The following WNK2 variants were observed in gnomAD, a reference collection of about 807,000 sequenced individuals.
The protein encoded by WNK2 is serine/threonine-protein kinase WNK2.
WNK2 carries 67 observed loss-of-function variants against 192.1 expected under a neutral mutation model. The observed-to-expected ratio is 0.35, with a 90% confidence interval of 0.29 to 0.43. WNK2 has a LOEUF of 0.43. Ranked by LOEUF, WNK2 falls within the 20% of genes least tolerant of loss-of-function variation. The probability of loss-of-function intolerance (pLI) is 1.00; values close to 1 mark genes in which losing one functional copy is unlikely to be tolerated. For missense variants in WNK2, 2,698 were observed against 3,089.7 expected (o/e 0.87, Z 3.01); for synonymous variants, 1,439 against 1,393.9 (o/e 1.03, Z -0.72).
chr9:93,228,743 C>G (rs1838230506), intron 2 of WNK2, among the ~76,000 whole-genome samples: 1 of 152,092 alleles, frequency 6.6e-6, no homozygotes, highest in Non-Finnish European at 1.5e-5. Context: ...CATGCAGGCT[C>G]CCTGGATTTA....
rs369020260 is a variant in WNK2 at position 93,249,769 on chromosome 9, C to G, written c.1834+1935C>G. Among the ~76,000 whole-genome samples the G allele has an allele frequency of 9.9e-5, 15 of 152,238 alleles. No individual in the cohort carries two copies. The South Asian group carries it at 1.0e-3, about 11-fold the overall frequency. On this transcript the variant is annotated intron_variant, in intron 8 of 29. Coordinates refer to ENST00000427277, the MANE Select transcript of WNK2 (RefSeq NM_006648.4). The stretch of plus-strand genomic sequence containing the variant: ...GATTACAGGTGTGAGCCACCGCAAC[C>G]AGCCCCTCAAAAACACTTTTACTTG...
At chr9:93,308,221 G>A (rs1852963463) in intron 27 of WNK2, 107 bp from the exon 28 acceptor site, 3 of 1,471,780 alleles carry the variant, frequency 2.0e-6, no homozygotes, top group Non-Finnish European at 2.7e-6. Context: ...CCTGGCCCAA[G>A]TGAGACCATT....
intron 29 of WNK2, chr9:93,319,330 G>A: frequency 2.1e-6 from 3 of 1,398,532 alleles, no homozygotes; most frequent in African/African-American, 1.5e-5. Context: ...ACCTCTGGAG[G>A]AGGGTGCTGA....
intron 19 of WNK2, among the ~76,000 whole-genome samples, chr9:93,286,177 A>G (rs1207844602): frequency 6.6e-6 from 1 of 151,542 alleles, no homozygotes; most frequent in East Asian, 1.9e-4. Flanking sequence ...ATTTGACTGT[A>G]TTAAAATAAA....
At chr9:93,296,777 C>T (rs146065954) in intron 23 of WNK2, among the ~76,000 whole-genome samples, 6 of 117,238 alleles carry the variant, frequency 5.1e-5, no homozygotes, top group East Asian at 3.0e-4. Context: ...CCTCCCCTCA[C>T]CTTCCTCCCC....
At chr9:93,309,988 C>T (rs1484403452) in intron 28 of WNK2, among the ~76,000 whole-genome samples, 1 of 152,214 alleles carries the variant, frequency 6.6e-6, no homozygotes, top group African/African-American at 2.4e-5. Context: ...AGTGTGTTTT[C>T]GTGTGGCTGC....
chr9:93,248,701 C>T (rs1471089812), intron 8 of WNK2, among the ~76,000 whole-genome samples: 1 of 152,208 alleles, frequency 6.6e-6, no homozygotes, highest in African/African-American at 2.4e-5. Flanking sequence ...CACTTTGGAT[C>T]AGGTTTCATC....
Position 93,318,307 on chromosome 9 carries a change from C to A in WNK2, c.6628+676C>A, listed in dbSNP as rs1264215472. The A allele has an allele frequency of 3.3e-6, 5 of 1,531,366 alleles. No individual in the cohort carries two copies. The East Asian group carries it at 6.8e-5, about 21-fold the overall frequency. The allele number at this position is 1,531,366 out of a possible 1,614,324, so 94.9% of individuals were successfully genotyped here. The stretch of plus-strand genomic sequence containing the variant: ...GGTTTTCTGTTGTAAATGCCTTTTA[C>A]AAACATTGAATTAGCTACCTTAAGT... On this transcript the variant is annotated intron_variant, in intron 29 of 29. Coordinates refer to ENST00000427277, the MANE Select transcript of WNK2 (RefSeq NM_006648.4).
chr9:93,289,773 C>T (rs1849025070), intron 20 of WNK2, among the ~76,000 whole-genome samples, 153 bp downstream of exon 20: 1 of 152,228 alleles, frequency 6.6e-6, no homozygotes, highest in South Asian at 2.1e-4. Context: ...GTGTTTGACT[C>T]ACCCATGCAT....
At chr9:93,225,582 T>C in intron 2 of WNK2, among the ~76,000 whole-genome samples, 1 of 152,218 alleles carries the variant, frequency 6.6e-6, no homozygotes, top group East Asian at 1.9e-4. Context: ...ATGAAGACTG[T>C]AGTGCATGCA....
chr9:93,192,544 G>C (rs1240237539), intron 2 of WNK2, among the ~76,000 whole-genome samples: 1 of 151,948 alleles, frequency 6.6e-6, no homozygotes. Context: ...GCCTGGGTAG[G>C]CACCCCAGGA....
intron 27 of WNK2, chr9:93,307,879 C>A: frequency 5.8e-6 from 1 of 172,070 alleles, no homozygotes; most frequent in Non-Finnish European, 1.2e-5. Context: ...ACACGGTACT[C>A]CACCGCCCCG....
At chr9:93,193,137 G>C (rs923291726) in intron 2 of WNK2, among the ~76,000 whole-genome samples, 2 of 152,166 alleles carry the variant, frequency 1.3e-5, no homozygotes, top group African/African-American at 2.4e-5. Flanking sequence ...TGGTGGGAAG[G>C]GGGGTTTGGG....
chr9:93,319,104 T>TC, intron 29 of WNK2: 4 of 1,613,918 alleles, frequency 2.5e-6, no homozygotes, highest in Non-Finnish European at 3.4e-6. Flanking sequence ...CCCTCACCTG[T>TC]CCCCCTTGCC....
At chr9:93,317,965 G>C in intron 29 of WNK2, 1 of 1,612,532 alleles carries the variant, frequency 6.2e-7, no homozygotes, top group African/African-American at 1.3e-5. Context: ...TCAGCCGCGA[G>C]GGGGACAGCG....
rs763208579 is a variant in WNK2 at position 93,299,155 on chromosome 9, G to A, written c.6009G>A (p.Leu2003=). 5 of 1,611,580 alleles carry A rather than the reference G, an allele frequency of 3.1e-6. No individual in the cohort carries two copies. The highest frequency in any genetic ancestry group is 4.2e-6 in the Non-Finnish European group (5 of 1,179,130). ...GGCTCACTGCAGACAGCACGGGCCT[G>A]AGCGGGAAGGCAGTGCAGACCCAGC... ...SVGLTADSTG[L]SGKAVQTQQP... The change falls in exon 25 of 30, where the codon CTG becomes CTA. Residue 2003 remains leucine, a synonymous_variant. Coordinates refer to ENST00000427277, the MANE Select transcript of WNK2 (RefSeq NM_006648.4).
chr9:93,287,365 A>G (rs144024896), intron 19 of WNK2, among the ~76,000 whole-genome samples: 1 of 152,166 alleles, frequency 6.6e-6, no homozygotes, highest in Non-Finnish European at 1.5e-5. Context: ...GCCTGCACGC[A>G]CTGTGCCTCA....
intron 2 of WNK2, among the ~76,000 whole-genome samples, chr9:93,210,747 C>T (rs1363870126): frequency 6.6e-6 from 1 of 152,156 alleles, no homozygotes; most frequent in African/African-American, 2.4e-5. Context: ...TCTCCCGCTT[C>T]AGGGTCCAGG....
chr9:93,292,660 G>C lies in WNK2; in HGVS notation c.5195G>C (p.Arg1732Pro). 1.0e-5 allele frequency: 16 copies of C among 1,579,698 alleles called. No homozygotes were observed. The highest frequency in any genetic ancestry group is 1.4e-5 in the Non-Finnish European group (16 of 1,164,190). Residue 1732 changes from arginine (R) to proline (P), a missense_variant, in exon 23 of 30, where the codon CGT (arginine) becomes CCT (proline). Arg to Pro is a moderately radical substitution (Grantham distance 103). Transcript: ENST00000427277. ...GARALGSPRK[R>P]PEQQDVSSPA... The stretch of plus-strand genomic sequence containing the variant: ...CGAGCTTTGGGGTCCCCTCGGAAAC[G>C]TCCAGAGCAGCAGGATGTCAGCTCA...
Sources: gnomAD v4.1 joint callset for allele counts (sites outside exome capture counted in the v4.1 genomes callset) on GRCh38, gnomAD v4.1.1 for gene constraint, MANE v1.5 for transcripts, NCBI Gene and HGNC (gene_info 2026-07-23, HGNC 2026-07-21) for gene names.